The following C17orf75 variants were observed in gnomAD, a reference collection of about 807,000 sequenced individuals.
The protein encoded by C17orf75 is chromosome 17 open reading frame 75, also known as protein Njmu-R1.
C17orf75 carries 32 observed loss-of-function variants against 49.6 expected under a neutral mutation model. The observed-to-expected ratio is 0.65, with a 90% confidence interval of 0.49 to 0.87. The LOEUF (loss-of-function observed/expected upper bound fraction) is 0.87, where lower values mean the gene tolerates loss of function less well. Ranked by LOEUF, C17orf75 falls within the 40% of genes least tolerant of loss-of-function variation. The pLI, the probability that C17orf75 is intolerant of heterozygous loss-of-function variation, is 0.00. For missense variants in C17orf75, 428 were observed against 473.9 expected (o/e 0.90, Z 0.90); for synonymous variants, 158 against 159.5 (o/e 0.99, Z 0.07).
chr17:32,330,228 T>C lies in C17orf75; in HGVS notation c.*1535A>G, dbSNP rs914422878. ...CAAGTTATTAAAGTTTAAAACCGTA[T>C]GAAAGCATTTATGAAGATTCTGAAT... On this transcript the variant is annotated 3_prime_UTR_variant, in exon 10 of 10. Transcript: ENST00000577809. 2 of 152,200 alleles carry C rather than the reference T, an allele frequency of 1.3e-5. No homozygotes were observed. The highest frequency in any genetic ancestry group is 4.8e-5 in the African/African-American group (2 of 41,448). 9.4% of individuals were successfully genotyped at this position (152,200 alleles called of 1,614,324 possible).
chr17:32,339,888 C>T lies in C17orf75; in HGVS notation c.272G>A (p.Arg91His), dbSNP rs11557693. 14 of 1,614,000 alleles carry T rather than the reference C, an allele frequency of 8.7e-6. No individual in the cohort carries two copies. Among genetic ancestry groups the T allele is most frequent in the African/African-American group, 2.7e-5 (2 of 75,052 alleles). The change falls in exon 3 of 10, where the codon CGC (arginine) becomes CAC (histidine). Residue 91 changes from arginine (R) to histidine (H), a missense_variant. Transcript: ENST00000577809. ...TGAAAGACGCTTAGCAATGAAACTG[C>T]GCAGCTCTGGCTCCACTTCGGATGG... ...NLPSEVEPEL[R>H]SFIAKRLSRG... is the part of the protein sequence containing the mutation.
upstream of C17orf75, among the ~76,000 whole-genome samples, chr17:32,344,434 G>C (rs1033967448): frequency 6.6e-6 from 1 of 151,762 alleles, no homozygotes; most frequent in Admixed American, 6.6e-5. Context: ...TGGCTAATAC[G>C]GTGAAACCCC....
At chr17:32,341,387 C>A in intron 1 of C17orf75, 103 bp from the exon 2 acceptor site, 1 of 1,158,314 alleles carries the variant, frequency 8.6e-7, no homozygotes, top group Admixed American at 1.7e-5. Context: ...ACTAAAAATG[C>A]TGCAAGGTGG....
intron 1 of C17orf75, among the ~76,000 whole-genome samples, chr17:32,347,862 T>C (rs1316554457): frequency 6.6e-6 from 1 of 152,176 alleles, no homozygotes; most frequent in African/African-American, 2.4e-5. Flanking sequence ...AATACGGTTT[T>C]AAACTTTTTC....
chr17:32,349,714 G>A (rs1241696638), intron 1 of C17orf75, among the ~76,000 whole-genome samples: 1 of 152,204 alleles, frequency 6.6e-6, no homozygotes, highest in Admixed American at 6.5e-5. Flanking sequence ...GCCGCACTGA[G>A]AACTCTGCAT....
At chr17:32,338,166 T>C (rs2150776978) in intron 4 of C17orf75, 42 bp downstream of exon 4, 1 of 1,596,354 alleles carries the variant, frequency 6.3e-7, no homozygotes. Context: ...TGCCTTCCCA[T>C]GTTTTCCTTC....
At chr17:32,334,377 G>T (rs1438479898) in intron 8 of C17orf75, 92 bp downstream of exon 8, 2 of 1,422,634 alleles carry the variant, frequency 1.4e-6, no homozygotes, top group East Asian at 2.5e-5. Context: ...ACTGCACAAG[G>T]CAGGAAGAAT....
chr17:32,341,838 G>A, intron 1 of C17orf75, 162 bp downstream of exon 1: 1 of 1,072,440 alleles, frequency 9.3e-7, no homozygotes, highest in South Asian at 4.5e-5. Context: ...AGCGGGAGGC[G>A]AGGAGCGCCC....
intron 2 of C17orf75, 83 bp from the exon 3 acceptor site, chr17:32,340,021 C>T (rs760152262): frequency 3.5e-5 from 54 of 1,524,312 alleles, no homozygotes; most frequent in Middle Eastern, 1.7e-4. Context: ...GTACCAACGC[C>T]AGGGGCTCTT....
intron 3 of C17orf75, among the ~76,000 whole-genome samples, chr17:32,338,642 A>G (rs993375843): frequency 1.7e-4 from 26 of 152,182 alleles, no homozygotes; most frequent in African/African-American, 5.6e-4. Context: ...ACCCATGTTT[A>G]TATTAAAAAA....
chr17:32,347,016 A>G (rs2041430029), upstream of C17orf75, among the ~76,000 whole-genome samples: 1 of 151,858 alleles, frequency 6.6e-6, no homozygotes, highest in Non-Finnish European at 1.5e-5. Context: ...CAGTGGCACA[A>G]TCTCAGCTCA....
intron 9 of C17orf75, among the ~76,000 whole-genome samples, chr17:32,332,881 C>T (rs2041290420): frequency 1.3e-5 from 2 of 152,002 alleles, no homozygotes; most frequent in Admixed American, 6.5e-5. Context: ...ACAATCTGGG[C>T]TCACTGCAAC....
At position 32,330,505 on chromosome 17, in the gene C17orf75, C is replaced by A. The variant is rs1374490300; in HGVS notation, c.*1258G>T. 1 of 152,176 alleles carries A rather than the reference C, an allele frequency of 6.6e-6. No homozygotes were observed. The highest frequency in any genetic ancestry group is 1.9e-4 in the East Asian group (1 of 5,198). 9.4% of individuals were successfully genotyped at this position (152,176 alleles called of 1,614,324 possible). A position where few individuals can be genotyped will look rare whatever the true frequency, so the allele number is the denominator to read the frequency against. The stretch of plus-strand genomic sequence containing the variant: ...TCAAATGAATTTATTAAAGAGCTAT[C>A]CCGAGCAAATTGCAATTGTATGTAT... On this transcript the variant is annotated 3_prime_UTR_variant, in exon 10 of 10. Transcript: ENST00000577809.
upstream of C17orf75, chr17:32,344,258 C>T (rs1164994000): frequency 1.9e-5 from 6 of 318,610 alleles, no homozygotes; most frequent in South Asian, 3.7e-5. Context: ...CCCATCCTCC[C>T]GAAGTGCTGA....
intron 9 of C17orf75, 46 bp from the exon 10 acceptor site, chr17:32,332,024 ATG>A: frequency 2.0e-6 from 3 of 1,489,712 alleles, no homozygotes; most frequent in African/African-American, 1.4e-5. Context: ...TGAAATAATA[ATG>A]AAGCTCAAAA....
At chr17:32,337,476 T>A (rs1165161866) in intron 5 of C17orf75, among the ~76,000 whole-genome samples, 2 of 151,818 alleles carry the variant, frequency 1.3e-5, no homozygotes, top group Non-Finnish European at 2.9e-5. Flanking sequence ...AAAAAAAAAA[T>A]TCACCTCTCT....
rs976175586 is a variant in C17orf75 at position 32,330,738 on chromosome 17, T to C, written c.*1025A>G. 2 of 152,246 alleles carry C rather than the reference T, an allele frequency of 1.3e-5. No individual in the cohort carries two copies. The highest frequency in any genetic ancestry group is 4.8e-5 in the African/African-American group (2 of 41,470). 9.4% of individuals were successfully genotyped at this position (152,246 alleles called of 1,614,324 possible). ...TTTGTTTCTTTTCTCAACACTGTTT[T>C]AAAACTCCAGCATTTTCACCTAAAA... On this transcript the variant is annotated 3_prime_UTR_variant, in exon 10 of 10. Transcript: ENST00000577809.
At chr17:32,336,282 T>C (rs549083430) in intron 5 of C17orf75, among the ~76,000 whole-genome samples, 73 of 152,296 alleles carry the variant, frequency 4.8e-4, no homozygotes, top group Non-Finnish European at 9.1e-4. Flanking sequence ...GGTGCAATCA[T>C]AGCTCACTGC....
chr17:32,337,771 G>T, intron 5 of C17orf75, 126 bp downstream of exon 5: 2 of 713,914 alleles, frequency 2.8e-6, no homozygotes, highest in Non-Finnish European at 2.3e-6. Flanking sequence ...TCATCATATT[G>T]ACCAGGCTGG....
Sources: allele counts gnomAD v4.1 joint callset (sites outside exome capture counted in the v4.1 genomes callset), GRCh38; gene constraint gnomAD v4.1.1; transcripts MANE v1.5; gene names NCBI Gene and HGNC (gene_info 2026-07-23, HGNC 2026-07-21).